The following DUSP16 variants were observed in gnomAD, a reference collection of about 807,000 sequenced individuals.
DUSP16 encodes dual specificity protein phosphatase 16.
In DUSP16, 21 loss-of-function variants were observed where a neutral mutation model predicts 58.3. That is an observed-to-expected ratio of 0.36 (90% CI 0.26 to 0.52). The LOEUF (loss-of-function observed/expected upper bound fraction) is 0.52. Ranked by LOEUF, DUSP16 falls within the 20% of genes least tolerant of loss-of-function variation. DUSP16 has a pLI of 0.94. For synonymous variants in DUSP16, 320 were observed against 323.8 expected (o/e 0.99, Z 0.12); for missense variants, 726 against 819.0 (o/e 0.89, Z 1.39).
intron 1 of DUSP16, among the ~76,000 whole-genome samples, chr12:12,540,893 A>T (rs535439297): frequency 6.6e-6 from 1 of 150,900 alleles, no homozygotes; most frequent in South Asian, 2.1e-4. Context: ...CACTTAGCAC[A>T]GATTCATCTT....
chr12:12,502,098 AT>A (rs1354761504), intron 3 of DUSP16, among the ~76,000 whole-genome samples: 1 of 152,204 alleles, frequency 6.6e-6, no homozygotes, highest in Non-Finnish European at 1.5e-5. Context: ...TGACTCAAGT[AT>A]TTATCTTCAT....
chr12:12,483,856 AAAG>A (rs928888065), intron 5 of DUSP16, among the ~76,000 whole-genome samples: 1 of 152,100 alleles, frequency 6.6e-6, no homozygotes, highest in African/African-American at 2.4e-5. Context: ...CAACAACAAA[AAAG>A]AAAAAATCAC....
chr12:12,500,383 T>C (rs184016451), intron 4 of DUSP16, 136 bp downstream of exon 4: 57 of 1,016,584 alleles, frequency 5.6e-5, no homozygotes, highest in Non-Finnish European at 6.4e-5. Context: ...GACGCAACTG[T>C]TACCTGGGGA....
chr12:12,513,935 A>C (rs1944112408), intron 3 of DUSP16, among the ~76,000 whole-genome samples: 1 of 152,224 alleles, frequency 6.6e-6, no homozygotes, highest in Admixed American at 6.5e-5. Context: ...AAAAGCCAAG[A>C]AACAAGTTTA....
intron 3 of DUSP16, among the ~76,000 whole-genome samples, chr12:12,503,558 C>T (rs779261261): frequency 5.3e-5 from 8 of 152,008 alleles, no homozygotes; most frequent in Admixed American, 6.6e-5. Context: ...CTTTGAGCTG[C>T]GGCTGTTTAG....
intron 5 of DUSP16, among the ~76,000 whole-genome samples, chr12:12,482,986 T>G (rs533938773): frequency 6.6e-6 from 1 of 152,294 alleles, no homozygotes; most frequent in East Asian, 1.9e-4. Context: ...GTGCTGTGAT[T>G]GATTACACAC....
chr12:12,476,671 TAAG>T lies in DUSP16; in HGVS notation c.*159_*161del. The stretch of plus-strand genomic sequence containing the variant: ...TAGCTGATCTCTCAAATGCAGATGT[TAAG>T]AGAGTAACAACTGGGTTGATCCACC... On this transcript the variant is annotated 3_prime_UTR_variant, in exon 7 of 7. Coordinates refer to ENST00000298573, the MANE Select transcript of DUSP16 (RefSeq NM_030640.3). 2 of 611,442 alleles carry T rather than the reference TAAG, an allele frequency of 3.3e-6. No individual in the cohort carries two copies. Among genetic ancestry groups the T allele is most frequent in the Non-Finnish European group, 5.6e-6 (2 of 359,446 alleles). 37.9% of individuals were successfully genotyped at this position (611,442 alleles called of 1,614,324 possible). A position where few individuals can be genotyped will look rare whatever the true frequency, so the allele number is the denominator to read the frequency against.
intron 4 of DUSP16, among the ~76,000 whole-genome samples, chr12:12,494,475 G>C (rs1489559470): frequency 6.6e-6 from 1 of 152,152 alleles, no homozygotes; most frequent in African/African-American, 2.4e-5. Context: ...CACGAATAAT[G>C]ATGATACAAA....
At position 12,511,413 on chromosome 12, in the gene DUSP16, C is replaced by CA. The variant is rs560631710; in HGVS notation, c.367+8448dup. Among the ~76,000 whole-genome samples the CA allele has an allele frequency of 2.1e-4, 32 of 152,276 alleles. No individual in the cohort carries two copies. In the East Asian group the frequency reaches 5.6e-3, roughly 27 times the overall value. On this transcript the variant is annotated intron_variant, in intron 3 of 6. Coordinates refer to ENST00000298573, the MANE Select transcript of DUSP16 (RefSeq NM_030640.3). Reference sequence around the variant, plus strand: ...TACATAATTTGATCTCATGTCCTCTCAATTCCCATTTCTCTCCTTCACAAA... The same window carrying CA: ...TACATAATTTGATCTCATGTCCTCTCAAATTCCCATTTCTCTCCTTCACAAA...
chr12:12,516,783 C>T (rs1252708433), intron 3 of DUSP16, among the ~76,000 whole-genome samples: 1 of 152,180 alleles, frequency 6.6e-6, no homozygotes, highest in Non-Finnish European at 1.5e-5. Flanking sequence ...ACTGATAAAT[C>T]ATAGGAAATA....
Position 12,519,719 on chromosome 12 carries a change from G to A in DUSP16, c.367+143C>T, listed in dbSNP as rs114513891. 1.7e-3 allele frequency: 1,383 copies of A among 795,488 alleles called. 16 individuals are homozygous for A. In the African/African-American group the frequency reaches 0.021, roughly 12 times the overall value. 49.3% of individuals were successfully genotyped at this position (795,488 alleles called of 1,614,324 possible). On this transcript the variant is annotated intron_variant, in intron 3 of 6. Coordinates refer to ENST00000298573, the MANE Select transcript of DUSP16 (RefSeq NM_030640.3). ...ATATAGTATTCAAGTTAAATAGAAC[G>A]GTGACATCAATCAAAAGCTATAAAT...
chr12:12,558,661 T>A (rs939585455), intron 1 of DUSP16, among the ~76,000 whole-genome samples: 2 of 152,206 alleles, frequency 1.3e-5, no homozygotes, highest in African/African-American at 4.8e-5. Flanking sequence ...ATTATAGGAA[T>A]GAGCCACCAC....
At chr12:12,531,531 C>T (rs935570103) in intron 1 of DUSP16, among the ~76,000 whole-genome samples, 6 of 151,954 alleles carry the variant, frequency 3.9e-5, no homozygotes, top group Non-Finnish European at 8.8e-5. Flanking sequence ...CAATATGGAA[C>T]GTAGTAAAAT....
intron 5 of DUSP16, among the ~76,000 whole-genome samples, chr12:12,486,144 G>A (rs1023524496): frequency 2.0e-4 from 30 of 152,010 alleles, no homozygotes; most frequent in African/African-American, 7.3e-4. Flanking sequence ...TATGGTAATG[G>A]TAACCAATTC....
In DUSP16 at chr12:12,477,923, C is replaced by T. The variant is rs199660192; in HGVS notation, c.908G>A (p.Gly303Glu). 1.0e-4 allele frequency: 167 copies of T among 1,614,176 alleles called. No homozygotes were observed. Among genetic ancestry groups the T allele is most frequent in the Middle Eastern group, 1.6e-4 (1 of 6,062 alleles). ...GAGTTTGCTCTTTGGCCCTGATGCT[C>T]CAGTCTGGTTCTTAATCTTCTTCTC... ...DYEKKIKNQTGASGPKSKLKL... is the reference protein window; with the variant it reads ...DYEKKIKNQTEASGPKSKLKL... Residue 303 changes from glycine (G) to glutamate (E), a missense_variant, in exon 7 of 7, where the codon GGA becomes GAA. By Grantham distance (98) the Gly-to-Glu change is moderately conservative. Coordinates refer to ENST00000298573, the MANE Select transcript of DUSP16 (RefSeq NM_030640.3). This position sits in a 1 kb window ranked among gnomAD's most constrained non-coding sequence, Gnocchi z 4.1.
At chr12:12,558,293 C>T (rs754606373) in intron 1 of DUSP16, among the ~76,000 whole-genome samples, 1 of 152,142 alleles carries the variant, frequency 6.6e-6, no homozygotes, top group Non-Finnish European at 1.5e-5. Context: ...ACAGCGAATC[C>T]CTCTTTTTAT....
rs370409500 is a variant in DUSP16 at position 12,477,768 on chromosome 12, C to T, written c.1063G>A (p.Val355Met). The T allele has an allele frequency of 2.8e-5, 45 of 1,613,668 alleles. No homozygotes were observed. Among genetic ancestry groups the T allele is most frequent in the African/African-American group, 2.5e-4 (19 of 74,882 alleles). ...ATSEAAGQRPVHPASVPSVPS... is the reference protein window; with the variant it reads ...ATSEAAGQRPMHPASVPSVPS... ...ACGCTGGGCACGCTGGCGGGATGCA[C>T]GGGCCTTTGTCCTGCTGCCTCTGAG... The change falls in exon 7 of 7, where the codon GTG becomes ATG. Residue 355 changes from valine to methionine, a missense_variant. Coordinates refer to ENST00000298573, the MANE Select transcript of DUSP16 (RefSeq NM_030640.3). This position sits in a 1 kb window ranked among gnomAD's most constrained non-coding sequence, Gnocchi z 4.1.
chr12:12,545,615 TTACA>T (rs1944630793), intron 1 of DUSP16, among the ~76,000 whole-genome samples: 1 of 152,124 alleles, frequency 6.6e-6, no homozygotes, highest in Non-Finnish European at 1.5e-5. Context: ...ATTTTTTAAC[TTACA>T]TAAAGTAAAA....
chr12:12,478,504 T>C (rs1943502258), intron 6 of DUSP16, among the ~76,000 whole-genome samples: 2 of 152,214 alleles, frequency 1.3e-5, no homozygotes, highest in Non-Finnish European at 2.9e-5. Flanking sequence ...TTTTAATTTT[T>C]AAAGTTTCTT....
Sources: gnomAD v4.1 joint callset for allele counts (sites outside exome capture counted in the v4.1 genomes callset) on GRCh38, gnomAD v4.1.1 for gene constraint, Gnocchi (gnomAD v3.1) non-coding constraint, MANE v1.5 for transcripts, NCBI Gene and HGNC (gene_info 2026-07-23, HGNC 2026-07-21) for gene names.